TLE1: variants seen among roughly 807,000 people sequenced by gnomAD.
TLE1 encodes the protein TLE family member 1, transcriptional corepressor, also known as transducin-like enhancer protein 1.
TLE1 carries 21 observed loss-of-function variants against 89.8 expected under a neutral mutation model. That is an observed-to-expected ratio of 0.23 (90% CI 0.17 to 0.34). TLE1 has a LOEUF of 0.34. TLE1 is among the 10% of genes least tolerant of loss of function. TLE1 has a pLI of 1.00. For synonymous variants in TLE1, 447 were observed against 407.6 expected (o/e 1.10, Z -1.16); for missense variants, 795 against 1,031.2 (o/e 0.77, Z 3.14).
rs772994167 is a variant in TLE1, at chr9:81,688,254, G to T, written c.-14C>A. The T allele has an allele frequency of 1.3e-6, 2 of 1,578,920 alleles. No homozygotes were observed. The highest frequency in any genetic ancestry group is 1.1e-5 in the South Asian group (1 of 88,300). ...CTGCGGGAACATCGCTCTGGCGGCG[G>T]CCGGGGCTCTGTTCCCCGGCAACTC... On this transcript the variant is annotated 5_prime_UTR_variant, in exon 1 of 20. Transcript: ENST00000376499.
intron 6 of TLE1, among the ~76,000 whole-genome samples, chr9:81,646,849 T>C (rs1828919871): frequency 6.6e-6 from 1 of 152,170 alleles, no homozygotes; most frequent in Non-Finnish European, 1.5e-5. Flanking sequence ...TTATACTAAG[T>C]TGTTTTAAAA....
chr9:81,650,716 G>C (rs1354345160), intron 6 of TLE1, among the ~76,000 whole-genome samples: 3 of 152,096 alleles, frequency 2.0e-5, no homozygotes, highest in Non-Finnish European at 4.4e-5. Flanking sequence ...CTGAAGGAGG[G>C]GGAAGGCAGT....
intron 1 of TLE1, among the ~76,000 whole-genome samples, 161 bp downstream of exon 1, chr9:81,688,056 A>C (rs1834584555): frequency 6.6e-6 from 1 of 151,242 alleles, no homozygotes; most frequent in South Asian, 2.1e-4. Flanking sequence ...GTTTCGGCCC[A>C]CTCCCCACCC....
chr9:81,607,160 T>C (rs983896037), intron 14 of TLE1, among the ~76,000 whole-genome samples: 2 of 152,038 alleles, frequency 1.3e-5, no homozygotes, highest in African/African-American at 2.4e-5. Flanking sequence ...ATGAGAAAAG[T>C]ACCCCGACAT....
At chr9:81,651,553 G>A (rs976198569) in intron 6 of TLE1, among the ~76,000 whole-genome samples, 2 of 152,142 alleles carry the variant, frequency 1.3e-5, no homozygotes, top group African/African-American at 4.8e-5. Context: ...CTTTTCATTG[G>A]TGTGTGACTT....
chr9:81,629,440 A>G (rs1424523767), intron 8 of TLE1, among the ~76,000 whole-genome samples: 2 of 152,364 alleles, frequency 1.3e-5, no homozygotes, highest in East Asian at 3.9e-4. Context: ...AAATTTTAAA[A>G]CAGCCAAAAT....
chr9:81,647,573 C>T (rs1829011385), intron 6 of TLE1, among the ~76,000 whole-genome samples: 1 of 152,148 alleles, frequency 6.6e-6, no homozygotes, highest in African/African-American at 2.4e-5. Flanking sequence ...CACCACCAAC[C>T]AGGACTTGAC....
chr9:81,616,333 C>T (rs1285516928), intron 10 of TLE1, among the ~76,000 whole-genome samples, 199 bp from the exon 11 acceptor site: 1 of 151,970 alleles, frequency 6.6e-6, no homozygotes, highest in Non-Finnish European at 1.5e-5. Flanking sequence ...AAAAAAAAAC[C>T]CCGCAGTCAT....
chr9:81,654,453 G>C (rs1202481008), intron 4 of TLE1, among the ~76,000 whole-genome samples: 4 of 152,084 alleles, frequency 2.6e-5, no homozygotes, highest in Non-Finnish European at 5.9e-5. Context: ...CCCTTCTCCT[G>C]CCTCAGCCTC....
intron 6 of TLE1, among the ~76,000 whole-genome samples, chr9:81,642,551 A>T (rs1180072714): frequency 6.6e-6 from 1 of 150,912 alleles, no homozygotes; most frequent in Non-Finnish European, 1.5e-5. Flanking sequence ...AAAATTAGCC[A>T]GGCATGGTGG....
chr9:81,667,470 T>C (rs957861520), intron 4 of TLE1, among the ~76,000 whole-genome samples: 1 of 151,708 alleles, frequency 6.6e-6, no homozygotes, highest in Admixed American at 6.6e-5. Flanking sequence ...CCAATCTAGA[T>C]GGTAGAAAAG....
chr9:81,666,849 A>G (rs560165774), intron 4 of TLE1, among the ~76,000 whole-genome samples: 3 of 152,162 alleles, frequency 2.0e-5, no homozygotes, highest in South Asian at 2.1e-4. Flanking sequence ...AAAGGCCTGA[A>G]GCACTGGCTC....
intron 14 of TLE1, among the ~76,000 whole-genome samples, chr9:81,601,238 GC>G (rs975387751): frequency 2.0e-5 from 3 of 152,176 alleles, no homozygotes; most frequent in Non-Finnish European, 2.9e-5. Context: ...AAAGGGGGAA[GC>G]CCCCGGCCAC....
chr9:81,611,577 A>C (rs544666492), intron 13 of TLE1, among the ~76,000 whole-genome samples, 192 bp downstream of exon 13: 2 of 152,374 alleles, frequency 1.3e-5, no homozygotes, highest in African/African-American at 4.8e-5. Context: ...TTAATGAAGC[A>C]GCATGCTGAT....
In TLE1 at chr9:81,585,514, C is replaced by T; in HGVS notation, c.2119G>A (p.Ala707Thr). 1 of 1,613,424 alleles carries T rather than the reference C, an allele frequency of 6.2e-7. No homozygotes were observed. The highest frequency in any genetic ancestry group is 8.5e-7 in the Non-Finnish European group (1 of 1,179,778). ...TTTCGGCTGAACTCACCACAGTAAG[C>T]AAATTTCAGGGACAGCACGCAGCTC... Reference protein sequence around the residue: ...HESCVLSLKFAYCGKWFVSTG... With the variant: ...HESCVLSLKFTYCGKWFVSTG... Residue 707 changes from alanine (A) to threonine (T), a missense_variant, in exon 18 of 20, where the codon GCT becomes ACT. Transcript: ENST00000376499.
At chr9:81,686,874 G>T (rs1310809525) in intron 2 of TLE1, among the ~76,000 whole-genome samples, 2 of 152,050 alleles carry the variant, frequency 1.3e-5, no homozygotes, top group Admixed American at 1.3e-4. Context: ...CCAATGATGG[G>T]CAATGTTATA....
intron 4 of TLE1, among the ~76,000 whole-genome samples, chr9:81,665,095 C>G (rs547251854): frequency 6.6e-6 from 1 of 152,176 alleles, no homozygotes; most frequent in African/African-American, 2.4e-5. Flanking sequence ...AGAGGTCAGG[C>G]CTGTCTCTCT....
chr9:81,663,831 C>T (rs943585767), intron 4 of TLE1, among the ~76,000 whole-genome samples: 5 of 151,672 alleles, frequency 3.3e-5, no homozygotes, highest in Admixed American at 6.6e-5. Context: ...TTCACCATGT[C>T]GGCAGGATGG....
intron 10 of TLE1, 26 bp from the exon 11 acceptor site, chr9:81,616,160 C>T (rs768667505): frequency 1.1e-5 from 17 of 1,584,658 alleles, no homozygotes; most frequent in African/African-American, 2.7e-5. Flanking sequence ...CAAAAGTTTT[C>T]GTGATTTAGC....
Sources: allele counts gnomAD v4.1 joint callset (sites outside exome capture counted in the v4.1 genomes callset), GRCh38; gene constraint gnomAD v4.1.1; transcripts MANE v1.5; gene names NCBI Gene and HGNC (gene_info 2026-07-23, HGNC 2026-07-21).